Variants in OSBPL9 observed in about 807,000 individuals in gnomAD.
OSBPL9 encodes the protein oxysterol-binding protein-related protein 9.
A neutral mutation model predicts 106.6 loss-of-function variants in OSBPL9; 40 were observed. The ratio of observed to expected loss-of-function variants is 0.38; its 90% CI spans 0.29 to 0.49. OSBPL9 has a LOEUF of 0.49. Among genes scored for constraint, OSBPL9 ranks in the 20% least tolerant of loss-of-function variants. The pLI, the probability that OSBPL9 is intolerant of heterozygous loss-of-function variation, is 0.97. For synonymous variants in OSBPL9, 269 were observed against 295.4 expected (o/e 0.91, Z 0.92); for missense variants, 609 against 887.2 (o/e 0.69, Z 3.98).
chr1:51,665,325 G>C (rs1457097283), intron 2 of OSBPL9, among the ~76,000 whole-genome samples: 1 of 152,088 alleles, frequency 6.6e-6, no homozygotes, highest in Non-Finnish European at 1.5e-5. Context: ...TGTATTTTTA[G>C]TAGAGACGGG....
chr1:51,564,327 T>G, the OSBPL9 span, among the ~76,000 whole-genome samples: 1 of 152,138 alleles, frequency 6.6e-6, no homozygotes, highest in Non-Finnish European at 1.5e-5. Context: ...TTCCCTTGTC[T>G]CTGGCCACAC....
At chr1:51,530,596 A>G in the OSBPL9 span, among the ~76,000 whole-genome samples, 2 of 152,074 alleles carry the variant, frequency 1.3e-5, no homozygotes, top group East Asian at 1.9e-4. Flanking sequence ...TAAACAAAAA[A>G]AAAATTAGCC....
intron 4 of OSBPL9, among the ~76,000 whole-genome samples, chr1:51,716,590 G>GC (rs1661100100): frequency 6.6e-6 from 1 of 152,158 alleles, no homozygotes; most frequent in African/African-American, 2.4e-5. Flanking sequence ...CATTCCCTCT[G>GC]CCAGTGCCTG....
At chr1:51,687,569 A>T (rs1654074506) in intron 3 of OSBPL9, among the ~76,000 whole-genome samples, 1 of 152,208 alleles carries the variant, frequency 6.6e-6, no homozygotes, top group Admixed American at 6.5e-5. Context: ...CTGGAAGTGG[A>T]AAGAAGGATC....
At chr1:51,758,172 A>G (rs1482061453) in intron 9 of OSBPL9, among the ~76,000 whole-genome samples, 6 of 152,166 alleles carry the variant, frequency 3.9e-5, no homozygotes, top group Admixed American at 6.5e-5. Flanking sequence ...TCAAAAGACA[A>G]AATTACAACA....
chr1:51,570,055 T>G, the OSBPL9 span, among the ~76,000 whole-genome samples: 2 of 152,302 alleles, frequency 1.3e-5, no homozygotes, highest in African/African-American at 4.8e-5. Context: ...TACCTCTGAT[T>G]TTCAAGAGAT....
chr1:51,722,442 G>A (rs1049024833), intron 4 of OSBPL9, among the ~76,000 whole-genome samples: 2 of 152,122 alleles, frequency 1.3e-5, no homozygotes, highest in Non-Finnish European at 2.9e-5. Context: ...TCCTGTCATT[G>A]TACTTTCCTA....
At chr1:51,691,508 G>C (rs139129869) in intron 3 of OSBPL9, among the ~76,000 whole-genome samples, 1 of 151,534 alleles carries the variant, frequency 6.6e-6, no homozygotes, top group Admixed American at 6.6e-5. Flanking sequence ...GGCTGGTCTC[G>C]AACGCCTGAC....
chr1:51,566,174 G>A, the OSBPL9 span: 3 of 152,328 alleles, frequency 2.0e-5, no homozygotes, highest in Admixed American at 6.5e-5. Context: ...AAAGGTGAGT[G>A]GCTGCCCTCT....
At chr1:51,624,671 G>T (rs1422480764) in intron 1 of OSBPL9, among the ~76,000 whole-genome samples, 1 of 152,198 alleles carries the variant, frequency 6.6e-6, no homozygotes, top group African/African-American at 2.4e-5. Context: ...ATAGTGAGTA[G>T]TATCAGTGGG....
chr1:51,676,301 C>T (rs180699999), intron 3 of OSBPL9, among the ~76,000 whole-genome samples: 19 of 151,656 alleles, frequency 1.3e-4, no homozygotes, highest in African/African-American at 4.6e-4. Context: ...GATGGTGGTG[C>T]GTGCTGTAGT....
At chr1:51,775,476 C>A (rs1354293034) in intron 14 of OSBPL9, among the ~76,000 whole-genome samples, 1 of 152,140 alleles carries the variant, frequency 6.6e-6, no homozygotes, top group Non-Finnish European at 1.5e-5. Context: ...AGAGCATGAT[C>A]TTTCCTTGAA....
At chr1:51,785,296 TTG>T (rs1207496404) in intron 20 of OSBPL9, 3 of 155,550 alleles carry the variant, frequency 1.9e-5, no homozygotes, top group African/African-American at 7.2e-5. Context: ...CATTCCATAG[TTG>T]TGTGTCCAAG....
At chr1:51,684,485 T>A (rs997263257) in intron 3 of OSBPL9, among the ~76,000 whole-genome samples, 2 of 152,230 alleles carry the variant, frequency 1.3e-5, no homozygotes, top group African/African-American at 4.8e-5. Context: ...ATGTTATACA[T>A]GATAAATATA....
intron 2 of OSBPL9, among the ~76,000 whole-genome samples, chr1:51,658,904 C>T (rs964250822): frequency 6.6e-6 from 1 of 151,930 alleles, no homozygotes; most frequent in African/African-American, 2.4e-5. Flanking sequence ...TGGCTTTTCT[C>T]GTTAATTCAG....
At chr1:51,672,991 A>G (rs182455451) in intron 3 of OSBPL9, among the ~76,000 whole-genome samples, 326 of 152,338 alleles carry the variant, frequency 2.1e-3, no homozygotes, top group Non-Finnish European at 3.6e-3. Flanking sequence ...TGGCACATAG[A>G]TGGTATTGAA....
intron 18 of OSBPL9, 35 bp from the exon 19 acceptor site, chr1:51,784,229 C>T: frequency 2.5e-6 from 4 of 1,598,958 alleles, no homozygotes; most frequent in Non-Finnish European, 3.4e-6. Flanking sequence ...CCACTTGGCA[C>T]TACTCATCAG....
At chr1:51,528,681 G>T in the OSBPL9 span, among the ~76,000 whole-genome samples, 5 of 152,076 alleles carry the variant, frequency 3.3e-5, no homozygotes, top group African/African-American at 1.2e-4. Context: ...AGACCAGCCT[G>T]GGCAACATGG....
intron 4 of OSBPL9, among the ~76,000 whole-genome samples, chr1:51,723,043 A>G (rs539690091): frequency 2.2e-4 from 33 of 152,174 alleles, no homozygotes; most frequent in Non-Finnish European, 4.1e-4. Flanking sequence ...AGCAGAATGT[A>G]CAGAGATTTT....
Sources: allele counts gnomAD v4.1 joint callset (sites outside exome capture counted in the v4.1 genomes callset), GRCh38; gene constraint gnomAD v4.1.1; transcripts MANE v1.5; gene names NCBI Gene and HGNC (gene_info 2026-07-23, HGNC 2026-07-21).